The following DLG2 variants were observed in gnomAD, a reference collection of about 807,000 sequenced individuals.
DLG2 encodes the protein disks large homolog 2.
In DLG2, 45 loss-of-function variants were observed where a neutral mutation model predicts 132.5. That is an observed-to-expected ratio of 0.34 (90% CI 0.27 to 0.44). The LOEUF (loss-of-function observed/expected upper bound fraction) is 0.44, where lower values mean the gene tolerates loss of function less well. Ranked by LOEUF, DLG2 falls within the 20% of genes least tolerant of loss-of-function variation. DLG2 has a pLI of 1.00. For missense variants in DLG2, 1,045 were observed against 1,196.9 expected, an observed-to-expected ratio of 0.87 and a Z score of 1.87; for synonymous variants, 424 against 419.6, an observed-to-expected ratio of 1.01 and a Z score of -0.13.
chr11:85,312,580 C>A (rs951722963), intron 3 of DLG2, among the ~76,000 whole-genome samples: 1 of 151,800 alleles, frequency 6.6e-6, no homozygotes, highest in African/African-American at 2.4e-5. Flanking sequence ...ATTCCTAAGT[C>A]CCCAGATCCT....
intron 15 of DLG2, among the ~76,000 whole-genome samples, chr11:83,890,697 A>T (rs1486894773): frequency 6.6e-6 from 1 of 152,174 alleles, no homozygotes; most frequent in Non-Finnish European, 1.5e-5. Context: ...CAGTGTATGT[A>T]AAAAAAGTTG....
intron 21 of DLG2, among the ~76,000 whole-genome samples, chr11:83,503,369 TTATATATA>T (rs34969401): frequency 0.03 from 2,733 of 90,532 alleles, 97 homozygotes; most frequent in African/African-American, 0.044. Context: ...ACACACCCAT[TTATATATA>T]TATATATATA....
At chr11:84,896,636 G>C (rs895543616) in intron 6 of DLG2, among the ~76,000 whole-genome samples, 1 of 152,018 alleles carries the variant, frequency 6.6e-6, no homozygotes, top group Non-Finnish European at 1.5e-5. Flanking sequence ...AGAGATAGTA[G>C]TTGCCACTTA....
intron 7 of DLG2, among the ~76,000 whole-genome samples, chr11:84,353,965 A>G (rs899019152): frequency 6.6e-6 from 1 of 152,132 alleles, no homozygotes; most frequent in African/African-American, 2.4e-5. Flanking sequence ...CCTCTCCTCC[A>G]TAGCACTTAT....
At chr11:85,523,760 T>G (rs1420078229) in intron 3 of DLG2, among the ~76,000 whole-genome samples, 1 of 152,184 alleles carries the variant, frequency 6.6e-6, no homozygotes, top group African/African-American at 2.4e-5. Flanking sequence ...AATCAGTATT[T>G]TGAAGAGACA....
chr11:85,282,457 T>C (rs11824096), intron 4 of DLG2, among the ~76,000 whole-genome samples: 1,797 of 151,996 alleles, frequency 0.012, 29 homozygotes, highest in African/African-American at 0.04. Flanking sequence ...TATCAAAATA[T>C]TGCATGTACC....
chr11:84,356,248 G>C (rs779326257), intron 7 of DLG2, among the ~76,000 whole-genome samples: 1 of 152,056 alleles, frequency 6.6e-6, no homozygotes, highest in Non-Finnish European at 1.5e-5. Context: ...GCTTTTTCTA[G>C]GCACTGAACA....
intron 6 of DLG2, among the ~76,000 whole-genome samples, chr11:85,074,032 G>A (rs1029500362): frequency 6.6e-6 from 1 of 151,822 alleles, no homozygotes; most frequent in African/African-American, 2.4e-5. Context: ...ACAAGTGGGA[G>A]CTAAACATTG....
At chr11:84,415,673 C>A (rs2098927097) in intron 7 of DLG2, among the ~76,000 whole-genome samples, 1 of 152,124 alleles carries the variant, frequency 6.6e-6, no homozygotes, top group Admixed American at 6.6e-5. Flanking sequence ...GGCTTCTTCC[C>A]AGACCCTCAG....
At chr11:84,937,859 G>C (rs2048936625) in intron 6 of DLG2, among the ~76,000 whole-genome samples, 1 of 152,134 alleles carries the variant, frequency 6.6e-6, no homozygotes, top group African/African-American at 2.4e-5. Context: ...TAAAAGTACA[G>C]CATATGATGG....
At chr11:85,610,434 T>C (rs1303901829) in intron 2 of DLG2, among the ~76,000 whole-genome samples, 1 of 152,194 alleles carries the variant, frequency 6.6e-6, no homozygotes, top group African/African-American at 2.4e-5. Flanking sequence ...CAAGGATGCC[T>C]TCTTCTGTAT....
chr11:85,010,255 T>C (rs2059038474), intron 6 of DLG2, among the ~76,000 whole-genome samples: 1 of 152,068 alleles, frequency 6.6e-6, no homozygotes, highest in Non-Finnish European at 1.5e-5. Context: ...CACAAGATAA[T>C]GTCTTTCCCT....
At position 84,059,000 on chromosome 11, in the gene DLG2, G is replaced by A. The variant is rs897377153; in HGVS notation, c.919+315C>T. The stretch of plus-strand genomic sequence containing the variant: ...ATGAGAGGATTTACCATTTGTATCT[G>A]AAAAATTAGTATTAATATGCTAGCT... On this transcript the variant is annotated intron_variant, in intron 11 of 27. Transcript: ENST00000376104. Among the ~76,000 whole-genome samples the A allele has an allele frequency of 2.0e-5, 3 of 151,900 alleles. No homozygotes were observed. In the East Asian group the frequency reaches 5.8e-4, roughly 29 times the overall value.
intron 6 of DLG2, among the ~76,000 whole-genome samples, chr11:84,900,522 C>T (rs1465985163): frequency 6.6e-6 from 1 of 152,012 alleles, no homozygotes; most frequent in Admixed American, 6.6e-5. Context: ...CATACTTTAA[C>T]AATGTGAAAA....
At chr11:84,631,264 A>C (rs1196173698) in intron 6 of DLG2, among the ~76,000 whole-genome samples, 3 of 17,804 alleles carry the variant, frequency 1.7e-4, no homozygotes, top group Admixed American at 1.4e-3. Flanking sequence ...ATTAGCCCAT[A>C]AAAAAAAATC....
intron 6 of DLG2, among the ~76,000 whole-genome samples, chr11:84,954,667 G>A (rs762714341): frequency 6.6e-6 from 1 of 152,132 alleles, no homozygotes; most frequent in Admixed American, 6.5e-5. Context: ...AAACACTGGG[G>A]TGCCTCCTTG....
intron 6 of DLG2, among the ~76,000 whole-genome samples, chr11:84,733,614 T>C (rs991634536): frequency 2.6e-5 from 4 of 152,196 alleles, no homozygotes; most frequent in Admixed American, 2.6e-4. Context: ...GGTAGTTTCT[T>C]TTGCTGTGCA....
At chr11:85,484,648 T>C (rs2093385677) in intron 3 of DLG2, among the ~76,000 whole-genome samples, 1 of 151,966 alleles carries the variant, frequency 6.6e-6, no homozygotes, top group Non-Finnish European at 1.5e-5. Context: ...AAAACCACAA[T>C]GAGATACCAC....
chr11:83,979,215 G>C (rs545151587), intron 12 of DLG2, among the ~76,000 whole-genome samples: 42 of 152,044 alleles, frequency 2.8e-4, no homozygotes, highest in Non-Finnish European at 5.6e-4. Flanking sequence ...TAAAGCTGAG[G>C]GAAGTAGGCA....
Sources: gnomAD v4.1 joint callset for allele counts (sites outside exome capture counted in the v4.1 genomes callset) on GRCh38, gnomAD v4.1.1 for gene constraint, MANE v1.5 for transcripts, NCBI Gene and HGNC (gene_info 2026-07-23, HGNC 2026-07-21) for gene names.